FKTN: variants seen among roughly 807,000 people sequenced by gnomAD.
The protein encoded by FKTN is fukutin.
In FKTN, 47 loss-of-function variants were observed where a neutral mutation model predicts 58.6. The observed-to-expected ratio is 0.80, with a 90% CI of 0.63 to 1.02. The LOEUF (loss-of-function observed/expected upper bound fraction) is 1.02. FKTN is among the 50% of genes least tolerant of loss of function. FKTN has a pLI of 0.00. For missense variants in FKTN, 516 were observed against 537.3 expected (o/e 0.96, Z 0.39); for synonymous variants, 178 against 191.9 (o/e 0.93, Z 0.60).
chr9:105,565,094 A>G (rs2131745858), intron 1 of FKTN, among the ~76,000 whole-genome samples: 1 of 152,320 alleles, frequency 6.6e-6, no homozygotes, highest in South Asian at 2.1e-4. Context: ...AGACAAGCAA[A>G]TGCTGAGAGA....
chr9:105,634,842 C>T (rs1042810361), intron 10 of FKTN, among the ~76,000 whole-genome samples: 2 of 152,170 alleles, frequency 1.3e-5, no homozygotes, highest in Non-Finnish European at 2.9e-5. Flanking sequence ...GGGTCAGCCT[C>T]TCCTCAATCC....
chr9:105,636,347 C>G lies in FKTN; in HGVS notation c.*1083C>G. 1.0e-6 allele frequency: 1 copy of G among 982,272 alleles called. No individual in the cohort carries two copies. Among genetic ancestry groups the G allele is most frequent in the Admixed American group, 6.1e-5 (1 of 16,316 alleles). 60.8% of individuals were successfully genotyped at this position (982,272 alleles called of 1,614,324 possible). A position where few individuals can be genotyped will look rare whatever the true frequency, so the allele number is the denominator to read the frequency against. On this transcript the variant is annotated 3_prime_UTR_variant, in exon 11 of 11. Transcript: ENST00000357998. ...AAACCTGCCTGTTTCTTCTCCTCTT[C>G]TAATATATCAGATCTCCAAAATGGA... is the stretch of plus-strand genomic sequence containing the variant.
chr9:105,612,519 T>C (rs1378009921), intron 7 of FKTN, among the ~76,000 whole-genome samples: 1 of 152,108 alleles, frequency 6.6e-6, no homozygotes, highest in Non-Finnish European at 1.5e-5. Context: ...TAGTTTTGGG[T>C]TTTACATTTA....
chr9:105,632,420 A>T (rs1394449333), intron 10 of FKTN, among the ~76,000 whole-genome samples: 7 of 62,148 alleles, frequency 1.1e-4, no homozygotes, highest in Non-Finnish European at 2.5e-4. Flanking sequence ...AAAGTATAAT[A>T]AAAAAAAATA....
At chr9:105,574,111 T>A (rs1328206794) in intron 2 of FKTN, 1 of 152,064 alleles carries the variant, frequency 6.6e-6, no homozygotes, top group Non-Finnish European at 1.5e-5. Flanking sequence ...AACTGTAACA[T>A]GTAGAAATAA....
At chr9:105,619,558 T>G (rs956000992) in intron 9 of FKTN, among the ~76,000 whole-genome samples, 1 of 152,232 alleles carries the variant, frequency 6.6e-6, no homozygotes, top group Non-Finnish European at 1.5e-5. Context: ...AGAGACTTAT[T>G]TCCTGATAGT....
At chr9:105,616,917 A>T (rs1322113163) in intron 8 of FKTN, among the ~76,000 whole-genome samples, 2 of 151,146 alleles carry the variant, frequency 1.3e-5, no homozygotes, top group African/African-American at 2.4e-5. Context: ...CATTTATGTG[A>T]TATTTGCTTT....
In FKTN at chr9:105,604,200, C is replaced by T. The variant is rs532764509; in HGVS notation, c.370-15C>T. The T allele has an allele frequency of 1.2e-6, 2 of 1,611,658 alleles. No individual in the cohort carries two copies. The highest frequency in any genetic ancestry group is 1.3e-5 in the African/African-American group (1 of 74,974). On this transcript the variant is annotated splice_polypyrimidine_tract_variant and intron_variant, in intron 5 of 10. Transcript: ENST00000357998. ...AAGTGTTGTTTCTTGATGTTTGATG[C>T]TTCTTTGGTTCTAGGAAGGCTGGTT...
intron 10 of FKTN, among the ~76,000 whole-genome samples, chr9:105,626,179 G>C (rs536858346): frequency 6.6e-6 from 1 of 152,310 alleles, no homozygotes; most frequent in African/African-American, 2.4e-5. Context: ...TATTATAGGT[G>C]ATGCTGTAGT....
At chr9:105,620,624 G>A (rs2133222905) in intron 10 of FKTN, among the ~76,000 whole-genome samples, 1 of 152,162 alleles carries the variant, frequency 6.6e-6, no homozygotes, top group South Asian at 2.1e-4. Flanking sequence ...CTCTGCCTAA[G>A]TTTCCTCAGC....
chr9:105,628,326 G>T (rs1480943916), intron 10 of FKTN, among the ~76,000 whole-genome samples: 1 of 152,112 alleles, frequency 6.6e-6, no homozygotes, highest in Non-Finnish European at 1.5e-5. Context: ...TAAGTAGCAG[G>T]TGCAAAATTG....
At chr9:105,597,985 A>ACT (rs1827113326) in intron 4 of FKTN, 1 of 333,086 alleles carries the variant, frequency 3.0e-6, no homozygotes, top group African/African-American at 2.2e-5. Flanking sequence ...GCAGTCAGAG[A>ACT]AAGTACAGGT....
chr9:105,584,207 G>C (rs955487645), intron 3 of FKTN, among the ~76,000 whole-genome samples: 1 of 151,998 alleles, frequency 6.6e-6, no homozygotes, highest in African/African-American at 2.4e-5. Flanking sequence ...AAACTATTTG[G>C]AACAATGCAT....
chr9:105,591,491 C>T (rs1419548006), intron 3 of FKTN, among the ~76,000 whole-genome samples: 7 of 152,314 alleles, frequency 4.6e-5, no homozygotes, highest in Non-Finnish European at 1.0e-4. Flanking sequence ...CTTAAAACCC[C>T]AAAATTTGAC....
intron 1 of FKTN, among the ~76,000 whole-genome samples, chr9:105,567,172 C>G (rs1389577112): frequency 1.3e-5 from 2 of 152,176 alleles, no homozygotes; most frequent in Non-Finnish European, 2.9e-5. Context: ...CCGTTTATGA[C>G]AAACCCACAG....
At chr9:105,577,705 G>T (rs1388505380) in intron 3 of FKTN, among the ~76,000 whole-genome samples, 4 of 151,280 alleles carry the variant, frequency 2.6e-5, no homozygotes, top group African/African-American at 9.8e-5. Context: ...ATTCTGTGAA[G>T]AAAGTCATTG....
At chr9:105,601,411 C>T in intron 5 of FKTN, 63 bp downstream of exon 5, 1 of 1,190,376 alleles carries the variant, frequency 8.4e-7, no homozygotes, top group South Asian at 1.3e-5. Context: ...TAGGTTTAGG[C>T]TAGTTTAAAA....
intron 9 of FKTN, 88 bp from the exon 10 acceptor site, chr9:105,619,846 T>G: frequency 8.1e-7 from 1 of 1,228,694 alleles, no homozygotes; most frequent in Non-Finnish European, 1.1e-6. Context: ...CTTAAGAATC[T>G]GTTTCTTTAT....
chr9:105,624,180 C>G (rs1832430599), intron 10 of FKTN: 1 of 152,150 alleles, frequency 6.6e-6, no homozygotes, highest in African/African-American at 2.4e-5. Flanking sequence ...GCTTAGTTTG[C>G]TATATCATAC....
Sources: gnomAD v4.1 joint callset for allele counts (sites outside exome capture counted in the v4.1 genomes callset) on GRCh38, gnomAD v4.1.1 for gene constraint, MANE v1.5 for transcripts, NCBI Gene and HGNC (gene_info 2026-07-23, HGNC 2026-07-21) for gene names.